GATAD2B: variants seen among roughly 807,000 people sequenced by gnomAD.
GATAD2B encodes transcriptional repressor p66-beta.
Under a neutral mutation model 64.3 loss-of-function variants are expected in GATAD2B, and 8 were observed. That is an observed-to-expected ratio of 0.12 (90% CI 0.07 to 0.22). GATAD2B has a LOEUF of 0.22. GATAD2B is among the 10% of genes least tolerant of loss of function. The pLI is 1.00. For missense variants in GATAD2B, 453 were observed against 752.0 expected, an observed-to-expected ratio of 0.60 and a Z score of 4.65; for synonymous variants, 281 against 271.3, an observed-to-expected ratio of 1.04 and a Z score of -0.35.
chr1:153,821,475 G>T (rs1364390128), intron 2 of GATAD2B, among the ~76,000 whole-genome samples: 2 of 152,182 alleles, frequency 1.3e-5, no homozygotes, highest in Non-Finnish European at 2.9e-5. Context: ...AGCAAGCTGA[G>T]AAGGTAGAAA....
chr1:153,853,258 C>A (rs767391881), intron 1 of GATAD2B: 80 of 994,244 alleles, frequency 8.0e-5, no homozygotes, highest in Middle Eastern at 6.3e-4. Flanking sequence ...TCTTCACACC[C>A]TTCCCTGCCA....
chr1:153,835,082 C>T (rs1328625664), intron 1 of GATAD2B, among the ~76,000 whole-genome samples: 1 of 152,068 alleles, frequency 6.6e-6, no homozygotes, highest in African/African-American at 2.4e-5. Context: ...CACTGCACTC[C>T]AGCTTGGGTG....
At chr1:153,830,418 T>TCA (rs1675033243) in intron 1 of GATAD2B, among the ~76,000 whole-genome samples, 1 of 151,976 alleles carries the variant, frequency 6.6e-6, no homozygotes, top group Non-Finnish European at 1.5e-5. Context: ...AGTGCTGGGA[T>TCA]CACAGGCATT....
chr1:153,863,512 G>GAA (rs61401496), intron 1 of GATAD2B, among the ~76,000 whole-genome samples: 42 of 113,470 alleles, frequency 3.7e-4, no homozygotes, highest in African/African-American at 1.3e-3. Context: ...AAAGAAATAA[G>GAA]AAAAAAAAAA....
intron 1 of GATAD2B, among the ~76,000 whole-genome samples, chr1:153,890,304 C>A (rs980307760): frequency 2.6e-5 from 4 of 151,452 alleles, no homozygotes; most frequent in African/African-American, 9.7e-5. Flanking sequence ...CTGGCTAACA[C>A]AGTGAGACCC....
chr1:153,841,769 T>C (rs1482922208), intron 1 of GATAD2B, among the ~76,000 whole-genome samples: 1 of 152,204 alleles, frequency 6.6e-6, no homozygotes, highest in Non-Finnish European at 1.5e-5. Flanking sequence ...GGAAAGTTTT[T>C]GTAGAAAAGT....
intron 4 of GATAD2B, 71 bp downstream of exon 4, chr1:153,818,720 C>T (rs1298240857): frequency 6.9e-7 from 1 of 1,441,254 alleles, no homozygotes. Flanking sequence ...ACTGAACCTA[C>T]CTGGGGGAAC....
At chr1:153,902,078 C>T (rs1181384729) in intron 1 of GATAD2B, among the ~76,000 whole-genome samples, 8 of 150,862 alleles carry the variant, frequency 5.3e-5, no homozygotes, top group Non-Finnish European at 1.0e-4. Context: ...GTCAGGAGTT[C>T]GAGACCAGCC....
intron 1 of GATAD2B, among the ~76,000 whole-genome samples, chr1:153,892,181 AAAAAG>A (rs1209389606): frequency 6.6e-5 from 10 of 151,394 alleles, no homozygotes; most frequent in Non-Finnish European, 1.2e-4. Context: ...AAAAAAAAAA[AAAAAG>A]AAAAGACAAG....
rs1678499440 is a variant in GATAD2B, at chr1:153,922,780, G to A, written c.-49C>T. The A allele has an allele frequency of 6.5e-6, 1 of 152,894 alleles. No homozygotes were observed. Among genetic ancestry groups the A allele is most frequent in the Non-Finnish European group, 1.5e-5 (1 of 68,714 alleles). The allele number at this position is 152,894 out of a possible 1,614,324, so 9.5% of individuals were successfully genotyped here. ...CGGCTAGCTCGCCTCCTCAGGCGGC[G>A]GCGGAGGCGTCGAAAAAGGAAGAGG... is the stretch of plus-strand genomic sequence containing the variant. On this transcript the variant is annotated 5_prime_UTR_variant, in exon 1 of 11. Coordinates refer to ENST00000368655, the MANE Select transcript of GATAD2B (RefSeq NM_020699.4).
At chr1:153,885,706 C>CA (rs1021701374) in intron 1 of GATAD2B, among the ~76,000 whole-genome samples, 13 of 151,630 alleles carry the variant, frequency 8.6e-5, no homozygotes, top group African/African-American at 2.9e-4. Flanking sequence ...ACTAAAAAGA[C>CA]AAAAAAATTA....
At chr1:153,818,706 C>T in intron 4 of GATAD2B, 85 bp downstream of exon 4, 5 of 1,226,060 alleles carry the variant, frequency 4.1e-6, no homozygotes, top group Non-Finnish European at 5.8e-6. Context: ...AAATGAGCCA[C>T]CCAACTGAAC....
At chr1:153,860,176 A>C (rs1453490334) in intron 1 of GATAD2B, among the ~76,000 whole-genome samples, 6 of 151,982 alleles carry the variant, frequency 3.9e-5, no homozygotes, top group Admixed American at 3.3e-4. Context: ...TGGCCTCCCA[A>C]AGTGCTGGGA....
At chr1:153,889,199 G>A (rs1677280995) in intron 1 of GATAD2B, among the ~76,000 whole-genome samples, 1 of 151,826 alleles carries the variant, frequency 6.6e-6, no homozygotes, top group Non-Finnish European at 1.5e-5. Context: ...GCTCACCTGA[G>A]GTCGGGAGTT....
At chr1:153,903,668 G>A (rs1264477229) in intron 1 of GATAD2B, among the ~76,000 whole-genome samples, 1 of 152,120 alleles carries the variant, frequency 6.6e-6, no homozygotes, top group East Asian at 1.9e-4. Flanking sequence ...TTTACCATAT[G>A]CCTAAATATT....
At chr1:153,868,703 G>A (rs185649908) in intron 1 of GATAD2B, among the ~76,000 whole-genome samples, 8 of 149,956 alleles carry the variant, frequency 5.3e-5, no homozygotes, top group Admixed American at 1.3e-4. Context: ...TTATTCACAT[G>A]TCACCAGTTT....
intron 1 of GATAD2B, among the ~76,000 whole-genome samples, chr1:153,916,566 C>T (rs17364880): frequency 0.075 from 11,425 of 151,738 alleles, 517 homozygotes; most frequent in Middle Eastern, 0.14. Context: ...AGTAGACAAC[C>T]GGAAACAAAG....
At chr1:153,874,366 T>C (rs962702433) in intron 1 of GATAD2B, among the ~76,000 whole-genome samples, 2 of 152,138 alleles carry the variant, frequency 1.3e-5, no homozygotes, top group Non-Finnish European at 2.9e-5. Context: ...AACACACTAC[T>C]ATGAAGTGCC....
At chr1:153,890,172 C>CAA (rs564018508) in intron 1 of GATAD2B, among the ~76,000 whole-genome samples, 1 of 66,528 alleles carries the variant, frequency 1.5e-5, no homozygotes, top group Non-Finnish European at 3.1e-5. Context: ...AACTCTGTTT[C>CAA]AAAAAAAAAA....
Sources: gnomAD v4.1 joint callset for allele counts (sites outside exome capture counted in the v4.1 genomes callset) on GRCh38, gnomAD v4.1.1 for gene constraint, MANE v1.5 for transcripts, NCBI Gene and HGNC (gene_info 2026-07-23, HGNC 2026-07-21) for gene names.